KSR2: variants seen among roughly 807,000 people sequenced by gnomAD.
KSR2 encodes kinase suppressor of ras 2.
In KSR2, 25 loss-of-function variants were observed where a neutral mutation model predicts 107.8. The ratio of observed to expected loss-of-function variants is 0.23; its 90% confidence interval spans 0.17 to 0.32. The LOEUF (loss-of-function observed/expected upper bound fraction) is 0.32. Among genes scored for constraint, KSR2 ranks in the 10% least tolerant of loss-of-function variants. KSR2 has a pLI of 1.00. For synonymous variants in KSR2, 480 were observed against 507.0 expected, an observed-to-expected ratio of 0.95 and a Z score of 0.71; for missense variants, 887 against 1,268.9, an observed-to-expected ratio of 0.70 and a Z score of 4.57.
intron 3 of KSR2, among the ~76,000 whole-genome samples, chr12:117,819,701 C>T (rs1310709624): frequency 6.6e-6 from 1 of 152,032 alleles, no homozygotes; most frequent in African/African-American, 2.4e-5. Context: ...AATAATCACT[C>T]GTTCAAAAAA....
intron 3 of KSR2, among the ~76,000 whole-genome samples, chr12:117,763,052 C>T (rs1167051207): frequency 6.6e-6 from 1 of 152,046 alleles, no homozygotes; most frequent in African/African-American, 2.4e-5. Context: ...CCCCCGACCC[C>T]ACAACAGTCC....
intron 4 of KSR2, among the ~76,000 whole-genome samples, chr12:117,723,649 A>C (rs1887298508): frequency 6.6e-6 from 1 of 152,162 alleles, no homozygotes; most frequent in Non-Finnish European, 1.5e-5. Flanking sequence ...AAATTGGTGA[A>C]ATCCAAATAA....
chr12:117,508,957 G>C (rs1873867877), intron 14 of KSR2, among the ~76,000 whole-genome samples: 1 of 151,788 alleles, frequency 6.6e-6, no homozygotes, highest in Admixed American at 6.6e-5. Context: ...GTGGATGGAT[G>C]GTAGGTGGGC....
At chr12:117,746,077 A>G (rs1888394910) in intron 4 of KSR2, among the ~76,000 whole-genome samples, 1 of 152,172 alleles carries the variant, frequency 6.6e-6, no homozygotes, top group South Asian at 2.1e-4. Flanking sequence ...ATTAGAAAAA[A>G]CTACTTTAAA....
intron 4 of KSR2, among the ~76,000 whole-genome samples, chr12:117,682,470 T>C (rs1268640092): frequency 1.3e-5 from 2 of 152,024 alleles, no homozygotes; most frequent in African/African-American, 4.8e-5. Flanking sequence ...CAGGCTGGAA[T>C]GCAACGGCGC....
chr12:117,784,672 G>A (rs1481086289), intron 3 of KSR2, among the ~76,000 whole-genome samples: 1 of 152,056 alleles, frequency 6.6e-6, no homozygotes, highest in Non-Finnish European at 1.5e-5. Flanking sequence ...TACCGCCAAT[G>A]AGAAGGCCAG....
chr12:117,951,351 G>A (rs542425146), intron 1 of KSR2, among the ~76,000 whole-genome samples: 21 of 152,130 alleles, frequency 1.4e-4, no homozygotes, highest in Non-Finnish European at 2.8e-4. Context: ...AAATAAAAAC[G>A]GTGGCATCTA....
intron 5 of KSR2, among the ~76,000 whole-genome samples, chr12:117,632,896 T>C (rs1251227183): frequency 6.6e-6 from 1 of 152,242 alleles, no homozygotes; most frequent in African/African-American, 2.4e-5. Flanking sequence ...TGTGTAGTGT[T>C]CCATGGCGTA....
intron 4 of KSR2, among the ~76,000 whole-genome samples, chr12:117,731,857 A>G (rs368925865): frequency 2.8e-5 from 4 of 143,240 alleles, no homozygotes; most frequent in South Asian, 2.3e-4. Flanking sequence ...AAGAGTCATC[A>G]CCAATCCCTA....
chr12:117,768,626 C>T (rs578041100), intron 3 of KSR2, among the ~76,000 whole-genome samples: 1 of 152,238 alleles, frequency 6.6e-6, no homozygotes, highest in South Asian at 2.1e-4. Context: ...GGAGCCCAGC[C>T]TGAGGCTCCT....
chr12:117,819,771 T>C (rs990141929), intron 3 of KSR2, among the ~76,000 whole-genome samples: 3 of 152,170 alleles, frequency 2.0e-5, no homozygotes, highest in East Asian at 1.9e-4. Flanking sequence ...CTTATGCAAA[T>C]TCCCCCTGTT....
At chr12:117,485,491 T>C (rs1187205656) in intron 15 of KSR2, 104 bp downstream of exon 15, 1 of 828,754 alleles carries the variant, frequency 1.2e-6, no homozygotes, top group South Asian at 1.5e-5. Flanking sequence ...ATTGGTAGTC[T>C]GAAATCCAAC....
intron 1 of KSR2, among the ~76,000 whole-genome samples, chr12:117,932,734 C>T (rs987902448): frequency 2.0e-5 from 3 of 151,546 alleles, no homozygotes; most frequent in East Asian, 1.9e-4. Flanking sequence ...ATAAATAGGC[C>T]GGGTGCAGTG....
At chr12:117,563,060 T>C (rs533796463) in intron 7 of KSR2, among the ~76,000 whole-genome samples, 1 of 152,270 alleles carries the variant, frequency 6.6e-6, no homozygotes, top group South Asian at 2.1e-4. Context: ...TCCCTCTTAA[T>C]GGAAACTGTT....
intron 3 of KSR2, among the ~76,000 whole-genome samples, chr12:117,793,259 C>T (rs1890350512): frequency 6.8e-6 from 1 of 146,648 alleles, no homozygotes. Flanking sequence ...CACACCCTCA[C>T]ACCAACATGC....
chr12:117,695,149 G>A (rs190440821), intron 4 of KSR2, among the ~76,000 whole-genome samples: 17 of 152,000 alleles, frequency 1.1e-4, no homozygotes, highest in African/African-American at 3.6e-4. Flanking sequence ...ACACCTGGCC[G>A]TATGATTCTA....
At chr12:117,489,548 CAAAAAAAAAAA>C in intron 14 of KSR2, among the ~76,000 whole-genome samples, 1 of 87,230 alleles carries the variant, frequency 1.1e-5, no homozygotes, top group South Asian at 4.4e-4. Flanking sequence ...GACCCTGTCT[CAAAAAAAAAAA>C]AAAAAAAAGT....
chr12:117,968,891 CGCT>C lies in KSR2; in HGVS notation c.-639_-637del, dbSNP rs761063521. Reference sequence around the variant, plus strand: ...GCGGCTGGCTGCTGTCTCCTCCCCGCGCTGCTGCTGCTGCTGCTGCTGCCGCCG... The same window carrying C: ...GCGGCTGGCTGCTGTCTCCTCCCCGCGCTGCTGCTGCTGCTGCTGCCGCCG... On this transcript the variant is annotated 5_prime_UTR_variant, in exon 1 of 20. Transcript: ENST00000339824. 5.2e-3 allele frequency: 1,266 copies of C among 244,698 alleles called. No homozygotes were observed. Among genetic ancestry groups the C allele is most frequent in the South Asian group, 9.6e-3 (246 of 25,664 alleles). 15.2% of individuals were successfully genotyped at this position (244,698 alleles called of 1,614,324 possible). A position where few individuals can be genotyped will look rare whatever the true frequency, so the allele number is the denominator to read the frequency against.
At chr12:117,485,425 T>C (rs908332062) in intron 15 of KSR2, among the ~76,000 whole-genome samples, 170 bp downstream of exon 15, 2 of 152,224 alleles carry the variant, frequency 1.3e-5, no homozygotes, top group Non-Finnish European at 2.9e-5. Context: ...GGCAGAATTC[T>C]TACTTATACA....
Sources: gnomAD v4.1 joint callset for allele counts (sites outside exome capture counted in the v4.1 genomes callset) on GRCh38, gnomAD v4.1.1 for gene constraint, MANE v1.5 for transcripts, NCBI Gene and HGNC (gene_info 2026-07-23, HGNC 2026-07-21) for gene names.